ITGBL1: variants seen among roughly 807,000 people sequenced by gnomAD.
ITGBL1 encodes the protein integrin beta-like protein 1.
ITGBL1 carries 51 observed loss-of-function variants against 68.5 expected under a neutral mutation model. The observed-to-expected ratio is 0.74, with a 90% CI of 0.59 to 0.94. The LOEUF is 0.94. Ranked by LOEUF, ITGBL1 falls within the 40% of genes least tolerant of loss-of-function variation. ITGBL1 has a pLI of 0.00. For missense variants in ITGBL1, 649 were observed against 647.4 expected, an observed-to-expected ratio of 1.00 and a Z score of -0.03; for synonymous variants, 209 against 227.3, an observed-to-expected ratio of 0.92 and a Z score of 0.72.
At chr13:101,667,900 T>TAAA (rs35394580) in intron 7 of ITGBL1, among the ~76,000 whole-genome samples, 144 of 145,868 alleles carry the variant, frequency 9.9e-4, no homozygotes, top group Middle Eastern at 7.1e-3. Flanking sequence ...CTTAAAAGTG[T>TAAA]AAAAAAAAAA....
intron 2 of ITGBL1, among the ~76,000 whole-genome samples, chr13:101,460,177 T>C (rs770486937): frequency 6.6e-6 from 1 of 152,208 alleles, no homozygotes; most frequent in Non-Finnish European, 1.5e-5. Flanking sequence ...TAGCCCATCT[T>C]GGATTTACCG....
At chr13:101,672,257 A>G (rs746914800) in intron 7 of ITGBL1, among the ~76,000 whole-genome samples, 5 of 152,222 alleles carry the variant, frequency 3.3e-5, no homozygotes, top group African/African-American at 9.6e-5. Flanking sequence ...TTTATTATCT[A>G]TCTGTAGACT....
chr13:101,705,292 C>CAAAAAAAAAA (rs66461824), intron 8 of ITGBL1, among the ~76,000 whole-genome samples: 14 of 104,942 alleles, frequency 1.3e-4, no homozygotes, highest in Non-Finnish European at 2.2e-4. Context: ...ATTTAAAAAG[C>CAAAAAAAAAA]AAAAAAAAAA....
chr13:101,554,709 G>A (rs572454320), intron 2 of ITGBL1, among the ~76,000 whole-genome samples: 2 of 152,308 alleles, frequency 1.3e-5, no homozygotes, highest in African/African-American at 4.8e-5. Flanking sequence ...TGGACCTGAG[G>A]CTCTGTCTTT....
intron 2 of ITGBL1, among the ~76,000 whole-genome samples, chr13:101,543,842 A>C (rs948588884): frequency 1.3e-5 from 2 of 152,212 alleles, no homozygotes; most frequent in African/African-American, 4.8e-5. Context: ...CAGTTGATCA[A>C]ATCGGCTACT....
intron 7 of ITGBL1, among the ~76,000 whole-genome samples, chr13:101,607,875 G>T (rs1208892181): frequency 1.3e-5 from 2 of 151,988 alleles, no homozygotes; most frequent in African/African-American, 4.8e-5. Flanking sequence ...TTATTCAGAG[G>T]CTTGTGTTTT....
At chr13:101,701,548 A>G (rs1453555116) in intron 8 of ITGBL1, among the ~76,000 whole-genome samples, 1 of 152,044 alleles carries the variant, frequency 6.6e-6, no homozygotes, top group African/African-American at 2.4e-5. Flanking sequence ...AAAATAAAAT[A>G]ATAATAAATA....
At chr13:101,515,069 A>G (rs889390447) in intron 2 of ITGBL1, among the ~76,000 whole-genome samples, 1 of 152,136 alleles carries the variant, frequency 6.6e-6, no homozygotes, top group African/African-American at 2.4e-5. Flanking sequence ...AATACTTACA[A>G]TGAACCAATT....
rs142141937 is a variant in ITGBL1 at position 101,483,853 on chromosome 13, T to C, written c.316+29753T>C. Among the ~76,000 whole-genome samples, 641 of 152,318 alleles carry C rather than the reference T, an allele frequency of 4.2e-3. 2 individuals are homozygous for C. The highest frequency in any genetic ancestry group is 0.014 in the Middle Eastern group (4 of 294). On this transcript the variant is annotated intron_variant, in intron 2 of 10. Transcript: ENST00000376180. ...AATTAAAGGCTAATTAAAGGCTTTG[T>C]CATCATTAAGATAATTAAAGTATCA...
At chr13:101,518,332 T>C (rs2049228344) in intron 2 of ITGBL1, among the ~76,000 whole-genome samples, 1 of 152,194 alleles carries the variant, frequency 6.6e-6, no homozygotes, top group Non-Finnish European at 1.5e-5. Context: ...TATGTTAAGA[T>C]ACATAATACA....
chr13:101,702,817 A>G (rs1459430815), intron 8 of ITGBL1, among the ~76,000 whole-genome samples: 1 of 152,174 alleles, frequency 6.6e-6, no homozygotes, highest in Non-Finnish European at 1.5e-5. Context: ...CTTTTTATTT[A>G]ACTCTTTAAG....
At chr13:101,663,448 A>T (rs978058803) in intron 7 of ITGBL1, among the ~76,000 whole-genome samples, 1 of 152,128 alleles carries the variant, frequency 6.6e-6, no homozygotes, top group African/African-American at 2.4e-5. Context: ...TACATAATTA[A>T]AACTGTCATC....
intron 2 of ITGBL1, among the ~76,000 whole-genome samples, chr13:101,554,052 G>T (rs2049965640): frequency 6.6e-6 from 1 of 152,202 alleles, no homozygotes; most frequent in East Asian, 1.9e-4. Flanking sequence ...GGGATTACAG[G>T]CATGAGCCCC....
At chr13:101,705,852 G>A (rs2034252050) in intron 8 of ITGBL1, among the ~76,000 whole-genome samples, 1 of 151,592 alleles carries the variant, frequency 6.6e-6, no homozygotes, top group South Asian at 2.1e-4. Context: ...TGTCCATGGT[G>A]CTTGATTTTG....
Position 101,583,209 on chromosome 13 carries a change from C to T in ITGBL1, c.728-7C>T, listed in dbSNP as rs756620472. ...TGGATTCTTATAAAATTCTTCTTCC[C>T]ACCTAGGGACTTGTGTATGTGGTGA... On this transcript the variant is annotated splice_polypyrimidine_tract_variant and splice_region_variant and intron_variant, in intron 5 of 10. Transcript: ENST00000376180. 4 of 1,612,616 alleles carry T rather than the reference C, an allele frequency of 2.5e-6. No individual in the cohort carries two copies. Among genetic ancestry groups the T allele is most frequent in the Non-Finnish European group, 3.4e-6 (4 of 1,179,138 alleles).
rs201130940 is a variant in ITGBL1, at chr13:101,652,460, G to A, written c.1016-40125G>A. ...GGAGAAGAATCAAACAGTGGACAAGGAATATTTAGTATAATGCCAGGAAAC... is the reference window on the plus strand; with the variant it reads ...GGAGAAGAATCAAACAGTGGACAAGAAATATTTAGTATAATGCCAGGAAAC... On this transcript the variant is annotated intron_variant, in intron 7 of 10. Transcript: ENST00000376180. Among the ~76,000 whole-genome samples, 31 of 152,238 alleles carry A rather than the reference G, an allele frequency of 2.0e-4. 1 individual carries two copies. In the East Asian group the frequency reaches 4.8e-3, roughly 24 times the overall value.
intron 7 of ITGBL1, among the ~76,000 whole-genome samples, chr13:101,605,523 C>T (rs1361320126): frequency 9.3e-6 from 1 of 108,020 alleles, no homozygotes; most frequent in African/African-American, 4.0e-5. Context: ...CACATATAGA[C>T]ATATGTATAT....
chr13:101,555,647 A>G (rs1322563912), intron 2 of ITGBL1, among the ~76,000 whole-genome samples: 1 of 150,284 alleles, frequency 6.7e-6, no homozygotes, highest in Non-Finnish European at 1.5e-5. Flanking sequence ...GTATCTACAT[A>G]TATGTATGTG....
intron 7 of ITGBL1, among the ~76,000 whole-genome samples, chr13:101,613,229 T>C (rs1485542991): frequency 6.6e-6 from 1 of 152,152 alleles, no homozygotes; most frequent in Non-Finnish European, 1.5e-5. Flanking sequence ...TTACAAGGTT[T>C]TAAGTAGATG....
Sources: gnomAD v4.1 joint callset for allele counts (sites outside exome capture counted in the v4.1 genomes callset) on GRCh38, gnomAD v4.1.1 for gene constraint, MANE v1.5 for transcripts, NCBI Gene and HGNC (gene_info 2026-07-23, HGNC 2026-07-21) for gene names.